The following TNKS variants were observed in gnomAD, a reference collection of about 807,000 sequenced individuals.
TNKS encodes tankyrase.
A neutral mutation model predicts 135.8 loss-of-function variants in TNKS; 72 were observed. The observed-to-expected ratio is 0.53, with a 90% CI of 0.44 to 0.64. The LOEUF (loss-of-function observed/expected upper bound fraction) is 0.64, where lower values mean the gene tolerates loss of function less well. Ranked by LOEUF, TNKS falls within the 30% of genes least tolerant of loss-of-function variation. The pLI is 0.00. For missense variants in TNKS, 1,769 were observed against 1,674.0 expected, an observed-to-expected ratio of 1.06 and a Z score of -0.99; for synonymous variants, 849 against 649.3, an observed-to-expected ratio of 1.31 and a Z score of -4.68.
At chr8:9,771,565 G>C (rs1807868817) in intron 26 of TNKS, among the ~76,000 whole-genome samples, 1 of 136,688 alleles carries the variant, frequency 7.3e-6, no homozygotes, top group African/African-American at 3.0e-5. Flanking sequence ...GGGAGAAAGC[G>C]AGAGAGGAAG....
intron 1 of TNKS, chr8:9,566,208 C>T (rs1338775621): frequency 1.3e-5 from 2 of 152,136 alleles, no homozygotes; most frequent in Admixed American, 6.5e-5. Flanking sequence ...TACATCTTAG[C>T]TATTTTTTTC....
intron 3 of TNKS, among the ~76,000 whole-genome samples, chr8:9,645,097 G>T (rs557035681): frequency 1.3e-5 from 2 of 152,086 alleles, no homozygotes; most frequent in Non-Finnish European, 2.9e-5. Flanking sequence ...CAGAAAGTTG[G>T]ATGTCACAAG....
rs1232631427 is a variant in TNKS, at chr8:9,619,017, G to A, written c.994+3340G>A. On this transcript the variant is annotated intron_variant, in intron 3 of 26. Coordinates refer to ENST00000310430, the MANE Select transcript of TNKS (RefSeq NM_003747.3). ...ATGAGTATATTTTGGTTTTTTGAGC[G>A]AATTCCCTAGTGTTTCACATTTAGG... Among the ~76,000 whole-genome samples the A allele has an allele frequency of 2.6e-5, 4 of 152,252 alleles. No individual in the cohort carries two copies. In the East Asian group the frequency reaches 5.8e-4, roughly 22 times the overall value.
intron 17 of TNKS, 24 bp from the exon 18 acceptor site, chr8:9,747,998 CTT>C (rs753614386): frequency 1.3e-6 from 2 of 1,586,046 alleles, no homozygotes; most frequent in South Asian, 2.3e-5. Context: ...ATTCTTAACT[CTT>C]TGTATCCTTT....
At chr8:9,588,187 C>T (rs1199500849) in intron 2 of TNKS, among the ~76,000 whole-genome samples, 2 of 152,188 alleles carry the variant, frequency 1.3e-5, no homozygotes, top group African/African-American at 2.4e-5. Context: ...TGTCCTTATA[C>T]ACTTGTTTAA....
chr8:9,600,078 A>G (rs58944302), intron 2 of TNKS, among the ~76,000 whole-genome samples: 2,214 of 152,260 alleles, frequency 0.015, 53 homozygotes, highest in African/African-American at 0.05. Flanking sequence ...CCTATGAGAT[A>G]GGTACTCTAA....
At chr8:9,731,654 C>CA (rs201553839) in intron 14 of TNKS, among the ~76,000 whole-genome samples, 2 of 151,310 alleles carry the variant, frequency 1.3e-5, no homozygotes, top group Non-Finnish European at 2.9e-5. Context: ...ATGGTGGTGC[C>CA]TTCCTATATG....
intron 6 of TNKS, 44 bp from the exon 7 acceptor site, chr8:9,706,143 G>A: frequency 7.0e-7 from 1 of 1,424,924 alleles, no homozygotes; most frequent in Non-Finnish European, 9.6e-7. Context: ...GGATAAATAA[G>A]TTGTTTGAAA....
chr8:9,751,503 G>A, intron 18 of TNKS, 106 bp from the exon 19 acceptor site: 1 of 928,376 alleles, frequency 1.1e-6, no homozygotes, highest in Non-Finnish European at 1.6e-6. Flanking sequence ...GTGATAATGA[G>A]GCATTCATTA....
intron 4 of TNKS, 38 bp from the exon 5 acceptor site, chr8:9,680,687 T>A (rs1330588042): frequency 1.4e-6 from 2 of 1,442,420 alleles, no homozygotes; most frequent in Non-Finnish European, 1.9e-6. Flanking sequence ...TAAGAAGCTT[T>A]GTAATTTTAG....
rs151270191 is a variant in TNKS at position 9,632,397 on chromosome 8, G to C, written c.994+16720G>C. Among the ~76,000 whole-genome samples, 1,298 of 152,218 alleles carry C rather than the reference G, an allele frequency of 8.5e-3. 20 individuals carry two copies. Among genetic ancestry groups the C allele is most frequent in the South Asian group, 0.078 (376 of 4,824 alleles). Reference sequence around the variant, plus strand: ...ATTCACCAATTATTAACGTATTTCAGGGTGTATTTCTTATTCTTTTCCCTC... The same window carrying C: ...ATTCACCAATTATTAACGTATTTCACGGTGTATTTCTTATTCTTTTCCCTC... On this transcript the variant is annotated intron_variant, in intron 3 of 26. Coordinates refer to ENST00000310430, the MANE Select transcript of TNKS (RefSeq NM_003747.3).
At chr8:9,706,665 C>G (rs1208357960) in intron 7 of TNKS, 146 bp from the exon 8 acceptor site, 6 of 679,456 alleles carry the variant, frequency 8.8e-6, no homozygotes, top group Admixed American at 7.7e-5. Flanking sequence ...TTAATTTCAG[C>G]TGTTTTTGAA....
chr8:9,668,455 C>G (rs186085658), intron 3 of TNKS, among the ~76,000 whole-genome samples: 1 of 152,294 alleles, frequency 6.6e-6, no homozygotes, highest in Admixed American at 6.5e-5. Context: ...TTAAGAACTT[C>G]TGATGTACAC....
chr8:9,626,588 G>A (rs1313584876), intron 3 of TNKS, among the ~76,000 whole-genome samples: 2 of 152,174 alleles, frequency 1.3e-5, no homozygotes, highest in Non-Finnish European at 2.9e-5. Context: ...GGCATGTTGA[G>A]TATTATGCTG....
At chr8:9,691,540 G>T (rs1488119625) in intron 5 of TNKS, among the ~76,000 whole-genome samples, 1 of 152,144 alleles carries the variant, frequency 6.6e-6, no homozygotes, top group Non-Finnish European at 1.5e-5. Context: ...TAGAAATGCA[G>T]AATGAGAGTT....
chr8:9,708,352 A>G lies in TNKS; in HGVS notation c.1457-19A>G. 6.5e-7 allele frequency: 1 copy of G among 1,539,430 alleles called. No individual in the cohort carries two copies. The highest frequency in any genetic ancestry group is 8.8e-7 in the Non-Finnish European group (1 of 1,142,226). ...CATTTTTACATCTTTTTTTATGTCA[A>G]CCATTGTTTCATTGACAGATGAATT... is the stretch of plus-strand genomic sequence containing the variant. On this transcript the variant is annotated intron_variant, in intron 8 of 26. Transcript: ENST00000310430.
chr8:9,603,183 G>C (rs1466585376), intron 2 of TNKS, among the ~76,000 whole-genome samples: 1 of 152,004 alleles, frequency 6.6e-6, no homozygotes, highest in African/African-American at 2.4e-5. Flanking sequence ...CTCCCAAGTA[G>C]CTGGGATTAC....
At chr8:9,572,517 T>G (rs138167711) in intron 1 of TNKS, among the ~76,000 whole-genome samples, 35 of 152,338 alleles carry the variant, frequency 2.3e-4, no homozygotes, top group African/African-American at 7.2e-4. Flanking sequence ...TATTCTCTTC[T>G]GTTTCATGTC....
intron 3 of TNKS, among the ~76,000 whole-genome samples, chr8:9,633,986 T>C (rs1800399365): frequency 1.3e-5 from 2 of 152,020 alleles, no homozygotes; most frequent in South Asian, 4.1e-4. Context: ...ATAACATTCA[T>C]TCTTTTAAGT....
Sources: allele counts gnomAD v4.1 joint callset (sites outside exome capture counted in the v4.1 genomes callset), GRCh38; gene constraint gnomAD v4.1.1; transcripts MANE v1.5; gene names NCBI Gene and HGNC (gene_info 2026-07-23, HGNC 2026-07-21).